Variants in MARK1 observed in about 807,000 individuals in gnomAD.
MARK1 encodes serine/threonine-protein kinase MARK1.
MARK1 carries 40 observed loss-of-function variants against 96.3 expected under a neutral mutation model. The ratio of observed to expected loss-of-function variants is 0.42; its 90% confidence interval spans 0.32 to 0.54. The LOEUF (loss-of-function observed/expected upper bound fraction) is 0.54, where lower values mean the gene tolerates loss of function less well. Ranked by LOEUF, MARK1 falls within the 20% of genes least tolerant of loss-of-function variation. The pLI, the probability that MARK1 is intolerant of heterozygous loss-of-function variation, is 0.16. For missense variants in MARK1, 719 were observed against 984.6 expected (o/e 0.73, Z 3.61); for synonymous variants, 317 against 341.2 (o/e 0.93, Z 0.78).
intron 4 of MARK1, among the ~76,000 whole-genome samples, chr1:220,598,716 G>A (rs907492944): frequency 1.3e-5 from 2 of 151,778 alleles, no homozygotes; most frequent in Non-Finnish European, 2.9e-5. Flanking sequence ...CTTTCTGGCC[G>A]GGCGTGGTGG....
At position 220,607,600 on chromosome 1, in the gene MARK1, G is replaced by A. The variant is rs147891447; in HGVS notation, c.495+3463G>A. On this transcript the variant is annotated intron_variant, in intron 6 of 17. Transcript: ENST00000366917. ...TGAGAGGACATCCCTGTCGTGTGCC[G>A]GTTTTCAAAGGGAATGCTTCCAGTT... 6.7e-3 allele frequency among the ~76,000 whole-genome samples: 1,022 copies of A among 151,908 alleles called. 7 individuals are homozygous for A. Among genetic ancestry groups the A allele is most frequent in the Middle Eastern group, 0.031 (9 of 294 alleles).
intron 1 of MARK1, among the ~76,000 whole-genome samples, chr1:220,557,177 A>G (rs1335795403): frequency 6.6e-6 from 1 of 152,242 alleles, no homozygotes; most frequent in Non-Finnish European, 1.5e-5. Context: ...TAGAGTTCTC[A>G]TCAGCAATAA....
chr1:220,649,050 G>T (rs1055863526), intron 13 of MARK1, among the ~76,000 whole-genome samples: 1 of 152,200 alleles, frequency 6.6e-6, no homozygotes, highest in African/African-American at 2.4e-5. Flanking sequence ...AGTATCACTT[G>T]ATGTGGATAG....
intron 13 of MARK1, among the ~76,000 whole-genome samples, chr1:220,643,036 A>T (rs1668368478): frequency 6.6e-6 from 1 of 152,152 alleles, no homozygotes; most frequent in Admixed American, 6.5e-5. Flanking sequence ...CCAAAAGAAG[A>T]ATGCCTCTTC....
At chr1:220,568,124 G>A (rs1420824068) in intron 1 of MARK1, among the ~76,000 whole-genome samples, 1 of 151,978 alleles carries the variant, frequency 6.6e-6, no homozygotes. Flanking sequence ...AACCTTTTTG[G>A]TACTTCTTGA....
At chr1:220,532,694 GT>G (rs1254471310) in intron 1 of MARK1, among the ~76,000 whole-genome samples, 1 of 151,406 alleles carries the variant, frequency 6.6e-6, no homozygotes, top group Non-Finnish European at 1.5e-5. Context: ...GTGTTTTTTT[GT>G]TTTCTTTTGT....
intron 6 of MARK1, among the ~76,000 whole-genome samples, chr1:220,613,989 G>T (rs1029344779): frequency 1.3e-5 from 2 of 151,776 alleles, no homozygotes; most frequent in African/African-American, 2.4e-5. Context: ...TGTTTGTTTG[G>T]TCGGTTGGTC....
chr1:220,538,080 A>G (rs1660852364), intron 1 of MARK1, among the ~76,000 whole-genome samples: 1 of 151,822 alleles, frequency 6.6e-6, no homozygotes, highest in African/African-American at 2.4e-5. Flanking sequence ...TCTTTAGTTT[A>G]ATTAGATCCT....
intron 1 of MARK1, among the ~76,000 whole-genome samples, chr1:220,572,285 A>C (rs1015066573): frequency 2.6e-5 from 4 of 151,948 alleles, no homozygotes; most frequent in Non-Finnish European, 5.9e-5. Context: ...CTTTTTGCCC[A>C]GGCTGGAGTA....
intron 1 of MARK1, among the ~76,000 whole-genome samples, chr1:220,572,805 T>TC (rs1474535515): frequency 1.3e-5 from 2 of 152,216 alleles, no homozygotes; most frequent in Non-Finnish European, 2.9e-5. Context: ...ATTGTTACTT[T>TC]CATTTCTTTA....
chr1:220,560,036 TC>T (rs1463870856), intron 1 of MARK1, among the ~76,000 whole-genome samples: 1 of 152,002 alleles, frequency 6.6e-6, no homozygotes, highest in Non-Finnish European at 1.5e-5. Flanking sequence ...GGCCTCACAA[TC>T]ATGGCAGAAG....
intron 1 of MARK1, among the ~76,000 whole-genome samples, chr1:220,558,606 C>T (rs1318230163): frequency 6.6e-6 from 1 of 151,420 alleles, no homozygotes; most frequent in Non-Finnish European, 1.5e-5. Flanking sequence ...AAGATAAAGG[C>T]CATTACCCTA....
intron 9 of MARK1, among the ~76,000 whole-genome samples, chr1:220,630,199 G>A (rs1667593714): frequency 6.6e-6 from 1 of 152,124 alleles, no homozygotes. Flanking sequence ...TAGTGATGTT[G>A]AGCATCTTTT....
chr1:220,603,699 G>T (rs958901724), intron 5 of MARK1, among the ~76,000 whole-genome samples: 26 of 151,960 alleles, frequency 1.7e-4, no homozygotes, highest in Non-Finnish European at 2.9e-5. Flanking sequence ...TGAAACGTAG[G>T]CCCCAAATAC....
At chr1:220,549,626 C>T (rs1271254470) in intron 1 of MARK1, among the ~76,000 whole-genome samples, 1 of 152,134 alleles carries the variant, frequency 6.6e-6, no homozygotes, top group African/African-American at 2.4e-5. Flanking sequence ...CTGCAGGCGG[C>T]TTGGTAAGCA....
intron 13 of MARK1, among the ~76,000 whole-genome samples, chr1:220,636,866 G>A (rs1667992412): frequency 6.7e-6 from 1 of 150,156 alleles, no homozygotes; most frequent in Non-Finnish European, 1.5e-5. Flanking sequence ...TTGCACCATT[G>A]CACTCCAGCC....
chr1:220,550,721 T>C (rs1475018730), intron 1 of MARK1, among the ~76,000 whole-genome samples: 1 of 152,206 alleles, frequency 6.6e-6, no homozygotes, highest in Non-Finnish European at 1.5e-5. Flanking sequence ...TGCTTGGTAT[T>C]TTTTTATTCA....
intron 1 of MARK1, among the ~76,000 whole-genome samples, chr1:220,559,404 G>C (rs1662510250): frequency 6.6e-6 from 1 of 152,092 alleles, no homozygotes; most frequent in East Asian, 1.9e-4. Flanking sequence ...GGTTGGAGTG[G>C]GTTGAAGTAA....
intron 17 of MARK1, among the ~76,000 whole-genome samples, chr1:220,658,117 A>G (rs770670119): frequency 1.6e-4 from 24 of 152,230 alleles, no homozygotes; most frequent in Non-Finnish European, 3.4e-4. Context: ...GATTAAATGT[A>G]CTGATATTTT....
Sources: allele counts gnomAD v4.1 joint callset (sites outside exome capture counted in the v4.1 genomes callset), GRCh38; gene constraint gnomAD v4.1.1; transcripts MANE v1.5; gene names NCBI Gene and HGNC (gene_info 2026-07-23, HGNC 2026-07-21).